Variants in ZNF254 observed in about 807,000 individuals in gnomAD.
The protein encoded by ZNF254 is CTD-2017D11.1.
A neutral mutation model predicts 12.4 loss-of-function variants in ZNF254; 10 were observed. That is an observed-to-expected ratio of 0.80 (90% CI 0.50 to 1.36). The LOEUF (loss-of-function observed/expected upper bound fraction) is 1.36. Ranked by LOEUF, ZNF254 falls within the 40% of genes most tolerant of loss-of-function variation. The probability of loss-of-function intolerance (pLI) is 0.00; values close to 1 mark genes in which losing one functional copy is unlikely to be tolerated. For missense variants in ZNF254, 996 were observed against 763.9 expected (o/e 1.30, Z -3.58); for synonymous variants, 305 against 253.4 (o/e 1.20, Z -1.93).
chr19:24,068,810 A>G (rs1971373009), intron 2 of ZNF254, among the ~76,000 whole-genome samples: 1 of 152,274 alleles, frequency 6.6e-6, no homozygotes, highest in East Asian at 1.9e-4. Flanking sequence ...AATTGCTATG[A>G]TGATTCTTAT....
chr19:24,074,864 CCTCTCA>C (rs1298170745), intron 2 of ZNF254, among the ~76,000 whole-genome samples: 1 of 152,126 alleles, frequency 6.6e-6, no homozygotes, highest in East Asian at 1.9e-4. Context: ...TATCTCTGAG[CCTCTCA>C]CTTAGATGAT....
chr19:24,083,428 A>G (rs1435271512), upstream of ZNF254, among the ~76,000 whole-genome samples: 1 of 152,174 alleles, frequency 6.6e-6, no homozygotes, highest in Non-Finnish European at 1.5e-5. Flanking sequence ...CTATGAAAAT[A>G]ACATCATAAT....
chr19:24,097,508 G>A (rs781347796), intron 1 of ZNF254, among the ~76,000 whole-genome samples: 2 of 152,082 alleles, frequency 1.3e-5, no homozygotes, highest in Non-Finnish European at 2.9e-5. Flanking sequence ...ATGGCCGGAC[G>A]TGGTGGCTCA....
chr19:24,035,382 A>C (rs1969927689), intron 1 of ZNF254, among the ~76,000 whole-genome samples: 2 of 152,112 alleles, frequency 1.3e-5, no homozygotes, highest in Non-Finnish European at 2.9e-5. Flanking sequence ...AGGCTGGTCC[A>C]AAACTCCTGA....
rs183081541 is a variant in ZNF254 at position 24,063,292 on chromosome 19, C to T, written c.-94+17013C>T. Among the ~76,000 whole-genome samples, 412 of 152,290 alleles carry T rather than the reference C, an allele frequency of 2.7e-3. 5 individuals are homozygous for T. Among genetic ancestry groups the T allele is most frequent in the Non-Finnish European group, 4.9e-4 (33 of 68,024 alleles). On this transcript the variant is annotated intron_variant, in intron 2 of 4. Transcript: ENST00000613065. ...GTGTCATGTGACATACATCTTAGCC[C>T]AGCATCTGAGTTATTTGTCTTTTCC...
chr19:24,061,894 A>G (rs1012072193), intron 2 of ZNF254, among the ~76,000 whole-genome samples: 2 of 151,714 alleles, frequency 1.3e-5, no homozygotes, highest in African/African-American at 4.8e-5. Flanking sequence ...GACCAGCCTG[A>G]CCAACATGGA....
chr19:24,124,808 C>T (rs1358362369), intron 3 of ZNF254, among the ~76,000 whole-genome samples: 1 of 149,914 alleles, frequency 6.7e-6, no homozygotes, highest in Non-Finnish European at 1.5e-5. Context: ...CTCACTGTAT[C>T]CTCCAGCCAG....
chr19:24,105,362 A>G (rs1466132270), intron 1 of ZNF254: 4 of 233,252 alleles, frequency 1.7e-5, no homozygotes, highest in Non-Finnish European at 3.3e-5. Context: ...AACTAAAAAA[A>G]AAAACAAAAA....
chr19:24,107,865 G>T (rs1973437979), intron 3 of ZNF254, among the ~76,000 whole-genome samples: 1 of 152,188 alleles, frequency 6.6e-6, no homozygotes, highest in Non-Finnish European at 1.5e-5. Flanking sequence ...GTGAAGAGGG[G>T]TTGTAGCTTG....
rs778703031 is a variant in ZNF254 at position 24,127,652 on chromosome 19, G to A, written c.1652G>A (p.Cys551Tyr). Residue 551 changes from cysteine to tyrosine, a missense_variant, in exon 4 of 4, where the codon TGT becomes TAT. Physicochemically the swap from Cys to Tyr is radical, Grantham distance 194 (BLOSUM62 -2). Transcript: ENST00000357002. The stretch of plus-strand genomic sequence containing the variant: ...GAGAAACCCTACAAATGTGAAAAAT[G>A]TGGCAAAGCCTTTAAGCAGTCTTCA... ...TEEKPYKCEKCGKAFKQSSIL... is the reference protein window; with the variant it reads ...TEEKPYKCEKYGKAFKQSSIL... The A allele has an allele frequency of 8.1e-6, 13 of 1,613,344 alleles. No homozygotes were observed. The highest frequency in any genetic ancestry group is 1.0e-5 in the Non-Finnish European group (12 of 1,179,724).
At position 24,127,236 on chromosome 19, in the gene ZNF254, C is replaced by CA; in HGVS notation, c.1239dup (p.Gly414ArgfsTer3). Reference sequence around the variant, plus strand: ...AACTCTACAAATGTGAAGAATGCGGCAAAGGTTTTAATCGATCTTCAAATC... The same window carrying CA: ...AACTCTACAAATGTGAAGAATGCGGCAAAAGGTTTTAATCGATCTTCAAATC... On this transcript the variant is annotated frameshift_variant, in exon 4 of 4. Coordinates refer to ENST00000357002, the MANE Select transcript of ZNF254 (RefSeq NM_203282.4). LOFTEE classifies it low-confidence loss of function (END_TRUNC). 1 of 1,612,794 alleles carries CA rather than the reference C, an allele frequency of 6.2e-7. No individual in the cohort carries two copies. The highest frequency in any genetic ancestry group is 1.1e-5 in the South Asian group (1 of 91,014).
chr19:24,068,755 C>T (rs563999516), intron 2 of ZNF254, among the ~76,000 whole-genome samples: 1 of 152,320 alleles, frequency 6.6e-6, no homozygotes, highest in East Asian at 1.9e-4. Context: ...CTGCTCACTT[C>T]CTACCCACCA....
At chr19:24,116,612 A>C (rs1974095027) in intron 3 of ZNF254, among the ~76,000 whole-genome samples, 1 of 126,076 alleles carries the variant, frequency 7.9e-6, no homozygotes, top group Non-Finnish European at 1.6e-5. Context: ...TTTTTTTCAA[A>C]GTTTTTAACT....
At chr19:24,092,344 A>C (rs1972441858) in intron 1 of ZNF254, among the ~76,000 whole-genome samples, 1 of 149,584 alleles carries the variant, frequency 6.7e-6, no homozygotes, top group South Asian at 2.1e-4. Context: ...TAATTTTTGT[A>C]TTTTTAGTAG....
intron 3 of ZNF254, among the ~76,000 whole-genome samples, chr19:24,115,178 G>T (rs1428287191): frequency 6.6e-6 from 1 of 152,158 alleles, no homozygotes; most frequent in Non-Finnish European, 1.5e-5. Flanking sequence ...TTACTGGGTA[G>T]ATACCCAAAG....
intron 2 of ZNF254, chr19:24,080,794 AAAGG>A (rs1438874838): frequency 2.0e-5 from 3 of 149,388 alleles, no homozygotes; most frequent in Non-Finnish European, 4.4e-5. Context: ...AAAAAAAAAA[AAAGG>A]AAGCTAGATG....
At chr19:24,113,967 C>G (rs1181835230) in intron 3 of ZNF254, among the ~76,000 whole-genome samples, 4 of 152,038 alleles carry the variant, frequency 2.6e-5, no homozygotes, top group Non-Finnish European at 4.4e-5. Context: ...ATCCAACTTA[C>G]AAGGGATGTG....
At chr19:24,095,622 ATTTG>A (rs1279378370) in intron 1 of ZNF254, among the ~76,000 whole-genome samples, 1 of 151,994 alleles carries the variant, frequency 6.6e-6, no homozygotes, top group African/African-American at 2.4e-5. Context: ...GGAAGGATGT[ATTTG>A]TTCAATACCT....
At chr19:24,046,322 C>T (rs940631173) in intron 2 of ZNF254, 4 of 145,232 alleles carry the variant, frequency 2.8e-5, no homozygotes, top group East Asian at 2.0e-4. Context: ...GTGAGAGGTT[C>T]AAAGGTCAAT....
Sources: gnomAD v4.1 joint callset for allele counts (sites outside exome capture counted in the v4.1 genomes callset) on GRCh38, gnomAD v4.1.1 for gene constraint, MANE v1.5 for transcripts, NCBI Gene and HGNC (gene_info 2026-07-23, HGNC 2026-07-21) for gene names.